The following PIAS2 variants were observed in gnomAD, a reference collection of about 807,000 sequenced individuals.
PIAS2 encodes protein inhibitor of activated STAT 2.
Under a neutral mutation model 69.7 loss-of-function variants are expected in PIAS2, and 19 were observed. The ratio of observed to expected loss-of-function variants is 0.27; its 90% CI spans 0.19 to 0.40. PIAS2 has a LOEUF of 0.40. Ranked by LOEUF, PIAS2 falls within the 10% of genes least tolerant of loss-of-function variation. The pLI is 1.00. For synonymous variants in PIAS2, 261 were observed against 263.2 expected (o/e 0.99, Z 0.08); for missense variants, 624 against 757.0 (o/e 0.82, Z 2.06).
Position 46,917,491 on chromosome 18 carries a change from A to G in PIAS2, c.-146T>C, listed in dbSNP as rs967402105. 2 of 1,195,562 alleles carry G rather than the reference A, an allele frequency of 1.7e-6. No homozygotes were observed. The highest frequency in any genetic ancestry group is 2.1e-6 in the Non-Finnish European group (2 of 961,120). The allele number at this position is 1,195,562 out of a possible 1,614,324, so 74.1% of individuals were successfully genotyped here. A position where few individuals can be genotyped will look rare whatever the true frequency, so the allele number is the denominator to read the frequency against. ...AAGACGCCGCGGCCGCCGCCGCTAC[A>G]GCCGGGCCCGTCACGTGAACGGCGC... On this transcript the variant is annotated 5_prime_UTR_variant, in exon 1 of 14. Transcript: ENST00000585916.
intron 1 of PIAS2, among the ~76,000 whole-genome samples, chr18:46,904,471 C>T (rs2056320735): frequency 6.6e-6 from 1 of 152,044 alleles, no homozygotes; most frequent in Non-Finnish European, 1.5e-5. Context: ...ACCTAGAAGG[C>T]CGGGTGCGGT....
At chr18:46,845,034 G>T in intron 6 of PIAS2, 195 bp from the exon 7 acceptor site, 1 of 360,706 alleles carries the variant, frequency 2.8e-6, no homozygotes, top group Non-Finnish European at 4.9e-6. Context: ...TCATTTTAAA[G>T]GTATTTCTTG....
At chr18:46,844,597 T>C (rs967520068) in intron 7 of PIAS2, 137 bp downstream of exon 7, 1 of 394,382 alleles carries the variant, frequency 2.5e-6, no homozygotes, top group Non-Finnish European at 4.5e-6. Flanking sequence ...CAGTAATGTA[T>C]ATAAATTAGT....
At chr18:46,841,138 G>C (rs991736489) in intron 8 of PIAS2, among the ~76,000 whole-genome samples, 1 of 152,050 alleles carries the variant, frequency 6.6e-6, no homozygotes, top group Admixed American at 6.6e-5. Context: ...TTCAGATATG[G>C]TGTTCAGAAA....
intron 1 of PIAS2, among the ~76,000 whole-genome samples, chr18:46,903,818 T>C (rs2056224100): frequency 6.6e-6 from 1 of 152,158 alleles, no homozygotes; most frequent in African/African-American, 2.4e-5. Flanking sequence ...ACAACCCAGA[T>C]GTCCCTCAAC....
intron 2 of PIAS2, among the ~76,000 whole-genome samples, chr18:46,877,610 C>G (rs1335621083): frequency 1.3e-5 from 2 of 152,174 alleles, no homozygotes; most frequent in Non-Finnish European, 1.5e-5. Flanking sequence ...CCCTTCCTAC[C>G]TAATTATTCA....
chr18:46,882,164 G>C (rs530425067), intron 2 of PIAS2, among the ~76,000 whole-genome samples: 1 of 151,864 alleles, frequency 6.6e-6, no homozygotes, highest in Non-Finnish European at 1.5e-5. Context: ...TATTAACTGA[G>C]TTAATAAAAA....
intron 1 of PIAS2, among the ~76,000 whole-genome samples, chr18:46,905,129 T>C (rs2056431414): frequency 6.6e-6 from 1 of 152,188 alleles, no homozygotes; most frequent in Admixed American, 6.5e-5. Context: ...ACATTTTTAA[T>C]AGTCTAAACA....
At chr18:46,919,516 G>A (rs1486069827), upstream of PIAS2, among the ~76,000 whole-genome samples, 2 of 151,674 alleles carry the variant, frequency 1.3e-5, no homozygotes, top group Non-Finnish European at 1.5e-5. Flanking sequence ...GGGTGTGGTG[G>A]CACATGCCTG....
In PIAS2 at chr18:46,836,383, A is replaced by T. The variant is rs758355012; in HGVS notation, c.1176T>A (p.Ala392=). ...CATCTAATATTAGACTTTCATAGGC[A>T]GCTTTTTTGTCACACACAGGACAAA... ...TWICPVCDKK[A]AYESLILDGL... Residue 392 remains alanine, a synonymous_variant, in exon 9 of 14, where the codon GCT becomes GCA. Coordinates refer to ENST00000585916, the MANE Select transcript of PIAS2 (RefSeq NM_004671.5). The T allele has an allele frequency of 1.9e-6, 3 of 1,614,062 alleles. No individual in the cohort carries two copies. Among genetic ancestry groups the T allele is most frequent in the Admixed American group, 1.7e-5 (1 of 60,024 alleles).
At chr18:46,844,688 CTTTTT>C in intron 7 of PIAS2, 41 bp downstream of exon 7, 1 of 580,440 alleles carries the variant, frequency 1.7e-6, no homozygotes, top group Non-Finnish European at 2.7e-6. Context: ...TATGCTCAAT[CTTTTT>C]TTTTTTTTTT....
intron 1 of PIAS2, among the ~76,000 whole-genome samples, chr18:46,897,064 A>C (rs972998462): frequency 7.9e-5 from 12 of 152,198 alleles, no homozygotes; most frequent in Non-Finnish European, 1.6e-4. Flanking sequence ...TTGTAAATTT[A>C]AGAGTGTTTC....
chr18:46,864,191 T>G lies in PIAS2; in HGVS notation c.557A>C (p.Gln186Pro). Residue 186 changes from glutamine to proline, a missense_variant, in exon 3 of 14, where the codon CAA (glutamine) becomes CCA (proline). By Grantham distance (76) the Gln-to-Pro change is moderately conservative. Transcript: ENST00000585916. ...EKFFIFALTP[Q>P]QVREICISRD... ...GGATATGCATATCTCTCTAACTTGT[T>G]GAGGTGTCAAAGCAAAAATAAAAAA... 1 of 1,591,224 alleles carries G rather than the reference T, an allele frequency of 6.3e-7. No individual in the cohort carries two copies. Among genetic ancestry groups the G allele is most frequent in the South Asian group, 1.1e-5 (1 of 87,692 alleles).
At chr18:46,892,402 T>C (rs2054202864) in intron 1 of PIAS2, among the ~76,000 whole-genome samples, 1 of 152,086 alleles carries the variant, frequency 6.6e-6, no homozygotes, top group Non-Finnish European at 1.5e-5. Context: ...TGGCAAGCCA[T>C]TTTATACTCT....
In PIAS2 at chr18:46,807,385, T is replaced by TATATATATATATA. The variant is rs2040759723; in HGVS notation, c.*5047_*5048insTATATATATATAT. 4.7e-5 allele frequency: 1 copy of TATATATATATATA among 21,318 alleles called. No individual in the cohort carries two copies. Among genetic ancestry groups the TATATATATATATA allele is most frequent in the Non-Finnish European group, 1.1e-4 (1 of 9,124 alleles). The allele number at this position is 21,318 out of a possible 1,614,324, so 1.3% of individuals were successfully genotyped here. ...TATATATATATATATATATATATAT[T>TATATATATATATA]TTTTTTTTTTTTTTTTTTTTTTTTT... is the stretch of plus-strand genomic sequence containing the variant. On this transcript the variant is annotated 3_prime_UTR_variant, in exon 14 of 14. Transcript: ENST00000585916.
intron 1 of PIAS2, chr18:46,915,306 A>G (rs1427722330): frequency 6.6e-6 from 1 of 152,196 alleles, no homozygotes; most frequent in Non-Finnish European, 1.5e-5. Flanking sequence ...ATGGGTATAT[A>G]CCATCATCAT....
At position 46,846,693 on chromosome 18, in the gene PIAS2, C is replaced by T. The variant is rs8092951; in HGVS notation, c.861+14G>A. On this transcript the variant is annotated intron_variant, in intron 6 of 13. Coordinates refer to ENST00000585916, the MANE Select transcript of PIAS2 (RefSeq NM_004671.5). Reference sequence around the variant, plus strand: ...GGGGTCACTGTCCTGCTACCCAAAACGGAGAGCTTTTACCTTCCCAATTTC... The same window carrying T: ...GGGGTCACTGTCCTGCTACCCAAAATGGAGAGCTTTTACCTTCCCAATTTC... 5.9e-3 allele frequency: 9,519 copies of T among 1,605,862 alleles called. 475 individuals are homozygous for T. In the African/African-American group the frequency reaches 0.11, roughly 19 times the overall value.
chr18:46,836,539 G>A, intron 8 of PIAS2, 22 bp from the exon 9 acceptor site: 1 of 1,587,594 alleles, frequency 6.3e-7, no homozygotes. Context: ...GAAACACAAG[G>A]AAAACTATTT....
intron 1 of PIAS2, among the ~76,000 whole-genome samples, chr18:46,892,172 C>T (rs1267534431): frequency 6.6e-6 from 1 of 152,086 alleles, no homozygotes; most frequent in Non-Finnish European, 1.5e-5. Context: ...GGCAGTTGCT[C>T]TGTACTTTTT....
Sources: allele counts gnomAD v4.1 joint callset (sites outside exome capture counted in the v4.1 genomes callset), GRCh38; gene constraint gnomAD v4.1.1; transcripts MANE v1.5; gene names NCBI Gene and HGNC (gene_info 2026-07-23, HGNC 2026-07-21).